CSMD1: variants seen among roughly 807,000 people sequenced by gnomAD.
CSMD1 encodes CUB and sushi domain-containing protein 1.
In CSMD1, 213 loss-of-function variants were observed where a neutral mutation model predicts 417.5. The ratio of observed to expected loss-of-function variants is 0.51; its 90% CI spans 0.46 to 0.57. CSMD1 has a LOEUF of 0.57. CSMD1 is among the 20% of genes least tolerant of loss of function. The pLI is 0.00. For synonymous variants in CSMD1, 2,862 were observed against 1,736.8 expected, an observed-to-expected ratio of 1.65 and a Z score of -16.11; for missense variants, 6,923 against 4,529.7, an observed-to-expected ratio of 1.53 and a Z score of -15.17.
chr8:4,649,706 T>C (rs943202124), intron 1 of CSMD1, among the ~76,000 whole-genome samples: 20 of 152,228 alleles, frequency 1.3e-4, no homozygotes, highest in Admixed American at 8.5e-4. Context: ...ATTAAACGTT[T>C]TTGTGTATCT....
chr8:3,377,131 C>T (rs1810357441), intron 18 of CSMD1, among the ~76,000 whole-genome samples: 1 of 152,152 alleles, frequency 6.6e-6, no homozygotes, highest in East Asian at 1.9e-4. Context: ...GCCTCAGCGT[C>T]CTGAACCGCT....
chr8:4,869,026 A>G (rs1389606188), intron 1 of CSMD1, among the ~76,000 whole-genome samples: 1 of 152,070 alleles, frequency 6.6e-6, no homozygotes, highest in African/African-American at 2.4e-5. Context: ...ATTTTGTTAT[A>G]TATTACTACA....
chr8:3,467,869 T>G (rs1816870025), intron 12 of CSMD1, among the ~76,000 whole-genome samples: 1 of 152,238 alleles, frequency 6.6e-6, no homozygotes, highest in African/African-American at 2.4e-5. Context: ...AAACTATTCC[T>G]ATGGTATACA....
chr8:3,291,903 T>C (rs975737845), intron 25 of CSMD1, among the ~76,000 whole-genome samples: 1 of 152,124 alleles, frequency 6.6e-6, no homozygotes, highest in African/African-American at 2.4e-5. Flanking sequence ...TTTCTAGTTC[T>C]TTTAATTGTG....
Position 2,938,627 on chromosome 8 carries a change from C to A in CSMD1, c.10653G>T (p.Val3551=). The change falls in exon 70 of 70, where the codon GTG becomes GTT. Residue 3551 remains valine (V), a synonymous_variant. Coordinates refer to ENST00000635120, the MANE Select transcript of CSMD1 (RefSeq NM_033225.6). The stretch of plus-strand genomic sequence containing the variant: ...CTGTGTTCAGAGTTGTGTCAAACCT[C>A]ACAGCCTTGGCTTCTGTGGGTTTTA... ...TNLKPTEAKA[V]RFDTTLNTVC... is the part of the protein sequence containing the mutation. 6.2e-7 allele frequency: 1 copy of A among 1,612,238 alleles called. No individual in the cohort carries two copies. The highest frequency in any genetic ancestry group is 8.5e-7 in the Non-Finnish European group (1 of 1,179,170).
intron 3 of CSMD1, among the ~76,000 whole-genome samples, chr8:4,165,911 T>C (rs1797430618): frequency 6.6e-6 from 1 of 152,200 alleles, no homozygotes; most frequent in Admixed American, 6.5e-5. Flanking sequence ...CAGTATCAGA[T>C]ATATATATAC....
At chr8:3,901,922 C>A (rs1229858122) in intron 5 of CSMD1, among the ~76,000 whole-genome samples, 1 of 152,162 alleles carries the variant, frequency 6.6e-6, no homozygotes, top group Non-Finnish European at 1.5e-5. Flanking sequence ...TGATGTGTGA[C>A]TATGAACAAG....
intron 69 of CSMD1, among the ~76,000 whole-genome samples, chr8:2,941,950 G>C (rs967739222): frequency 6.6e-6 from 1 of 151,940 alleles, no homozygotes; most frequent in African/African-American, 2.4e-5. Context: ...AATTGAACAT[G>C]AAAGAAAAAA....
chr8:3,990,343 G>C (rs1025379230), intron 5 of CSMD1, among the ~76,000 whole-genome samples: 1 of 152,118 alleles, frequency 6.6e-6, no homozygotes, highest in African/African-American at 2.4e-5. Context: ...TGACATGAGA[G>C]AAATATTACA....
At chr8:3,170,621 T>G (rs1476435263) in intron 37 of CSMD1, among the ~76,000 whole-genome samples, 1 of 152,230 alleles carries the variant, frequency 6.6e-6, no homozygotes, top group Admixed American at 6.5e-5. Flanking sequence ...CATGAGCTCC[T>G]AAAGATTGAT....
chr8:3,760,030 C>A (rs888297927), intron 5 of CSMD1, among the ~76,000 whole-genome samples: 1 of 152,056 alleles, frequency 6.6e-6, no homozygotes, highest in Non-Finnish European at 1.5e-5. Context: ...ACAGGACACA[C>A]GCCTGGTGAA....
intron 26 of CSMD1, 55 bp downstream of exon 26, chr8:3,284,089 G>T: frequency 7.5e-7 from 1 of 1,330,886 alleles, no homozygotes; most frequent in Non-Finnish European, 1.1e-6. Flanking sequence ...GGAGATCTGT[G>T]TTCATGACAA....
chr8:3,179,725 A>G (rs1405979237), intron 37 of CSMD1, among the ~76,000 whole-genome samples: 1 of 152,240 alleles, frequency 6.6e-6, no homozygotes, highest in Non-Finnish European at 1.5e-5. Context: ...TTTAAATACT[A>G]TCATAAACAA....
chr8:4,657,752 C>T (rs192547808), intron 1 of CSMD1, among the ~76,000 whole-genome samples: 53 of 148,686 alleles, frequency 3.6e-4, no homozygotes, highest in Admixed American at 8.7e-4. Flanking sequence ...TGAAAAAGCA[C>T]GGACATTTGA....
intron 12 of CSMD1, among the ~76,000 whole-genome samples, chr8:3,454,491 CTT>C (rs1490123931): frequency 5.3e-5 from 8 of 152,120 alleles, no homozygotes; most frequent in African/African-American, 1.9e-4. Context: ...TTCAGGAGCT[CTT>C]TTAGGGCAGG....
At chr8:4,107,648 G>T (rs1490574972) in intron 3 of CSMD1, among the ~76,000 whole-genome samples, 1 of 152,142 alleles carries the variant, frequency 6.6e-6, no homozygotes, top group Admixed American at 6.5e-5. Context: ...ACCACCGAAA[G>T]CTCATTTGAA....
intron 10 of CSMD1, among the ~76,000 whole-genome samples, chr8:3,526,604 T>G (rs1255954745): frequency 3.9e-5 from 6 of 152,190 alleles, no homozygotes; most frequent in African/African-American, 1.4e-4. Context: ...TGTGTGATCC[T>G]ACAAGTATTA....
At chr8:3,490,435 A>G (rs1366438637) in intron 11 of CSMD1, among the ~76,000 whole-genome samples, 1 of 152,178 alleles carries the variant, frequency 6.6e-6, no homozygotes, top group Non-Finnish European at 1.5e-5. Context: ...ACCTGCCTGC[A>G]TTTATATTTT....
intron 3 of CSMD1, among the ~76,000 whole-genome samples, chr8:4,184,936 A>T (rs1467207781): frequency 2.0e-5 from 3 of 152,024 alleles, no homozygotes; most frequent in Non-Finnish European, 4.4e-5. Flanking sequence ...TCAGGAGTTC[A>T]AGACCAGCCT....
Sources: gnomAD v4.1 joint callset for allele counts (sites outside exome capture counted in the v4.1 genomes callset) on GRCh38, gnomAD v4.1.1 for gene constraint, MANE v1.5 for transcripts, NCBI Gene and HGNC (gene_info 2026-07-23, HGNC 2026-07-21) for gene names.